VEPH1: variants seen among roughly 807,000 people sequenced by gnomAD.
VEPH1 encodes ventricular zone expressed PH domain containing 1.
A neutral mutation model predicts 85.2 loss-of-function variants in VEPH1; 80 were observed. The observed-to-expected ratio is 0.94, with a 90% CI of 0.78 to 1.13. VEPH1 has a LOEUF of 1.13. VEPH1 is among the 50% of genes most tolerant of loss of function. The probability of loss-of-function intolerance (pLI) is 0.00; values close to 1 mark genes in which losing one functional copy is unlikely to be tolerated. For missense variants in VEPH1, 955 were observed against 980.5 expected (o/e 0.97, Z 0.35); for synonymous variants, 297 against 348.0 (o/e 0.85, Z 1.63).
chr3:157,347,815 C>T (rs1452772853), intron 9 of VEPH1, among the ~76,000 whole-genome samples: 3 of 152,236 alleles, frequency 2.0e-5, no homozygotes, highest in Non-Finnish European at 4.4e-5. Context: ...TCCTCTCAAA[C>T]CCTAAGCCCA....
chr3:157,350,907 T>G (rs899301694), intron 9 of VEPH1, among the ~76,000 whole-genome samples: 2 of 152,150 alleles, frequency 1.3e-5, no homozygotes, highest in Non-Finnish European at 2.9e-5. Context: ...AAGAGTACTC[T>G]TACATGCTGT....
At chr3:157,408,946 T>C (rs1731336022) in intron 6 of VEPH1, among the ~76,000 whole-genome samples, 1 of 152,164 alleles carries the variant, frequency 6.6e-6, no homozygotes, top group Middle Eastern at 3.4e-3. Flanking sequence ...TAATAACCCA[T>C]AGGCAGTGGA....
At chr3:157,470,131 C>A (rs1736781878) in intron 3 of VEPH1, among the ~76,000 whole-genome samples, 183 bp downstream of exon 3, 1 of 152,144 alleles carries the variant, frequency 6.6e-6, no homozygotes, top group African/African-American at 2.4e-5. Flanking sequence ...TTGCACGTAG[C>A]AGGAGCTCTA....
intron 6 of VEPH1, among the ~76,000 whole-genome samples, chr3:157,403,574 G>C (rs1730926493): frequency 6.6e-6 from 1 of 152,124 alleles, no homozygotes; most frequent in African/African-American, 2.4e-5. Flanking sequence ...TTTTATAGCA[G>C]AGGGATTGGA....
rs1386231092 is a variant in VEPH1, at chr3:157,417,553, A to G, written c.697-3463T>C. ...AAATTTCTCATGGCCCATGGCCAAA[A>G]TTCCAATGCTGTGGTATTCCAGATT... On this transcript the variant is annotated intron_variant, in intron 5 of 13. Coordinates refer to ENST00000362010, the MANE Select transcript of VEPH1 (RefSeq NM_001167912.2). Among the ~76,000 whole-genome samples the G allele has an allele frequency of 2.0e-5, 3 of 152,298 alleles. 1 individual carries two copies. The South Asian group carries it at 6.2e-4, about 32-fold the overall frequency.
At chr3:157,469,354 TATC>T (rs1736703266) in intron 3 of VEPH1, among the ~76,000 whole-genome samples, 1 of 152,192 alleles carries the variant, frequency 6.6e-6, no homozygotes, top group Non-Finnish European at 1.5e-5. Context: ...AGGACGCTCA[TATC>T]AGCTGCAACA....
At chr3:157,352,244 C>G (rs1275683964) in intron 9 of VEPH1, among the ~76,000 whole-genome samples, 1 of 152,140 alleles carries the variant, frequency 6.6e-6, no homozygotes, top group Non-Finnish European at 1.5e-5. Context: ...GTGAATATTT[C>G]CAGGGATAAG....
intron 2 of VEPH1, among the ~76,000 whole-genome samples, chr3:157,471,317 A>G (rs941945845): frequency 6.6e-6 from 1 of 152,220 alleles, no homozygotes; most frequent in Non-Finnish European, 1.5e-5. Context: ...GCTATAACTA[A>G]TAGGACAGTA....
chr3:157,313,147 G>A (rs908882839), intron 11 of VEPH1, among the ~76,000 whole-genome samples: 4 of 151,506 alleles, frequency 2.6e-5, no homozygotes, highest in Non-Finnish European at 5.9e-5. Flanking sequence ...CTCGTGATCC[G>A]CCCGCCTCGG....
intron 4 of VEPH1, among the ~76,000 whole-genome samples, chr3:157,448,059 A>G (rs1438712768): frequency 6.6e-6 from 1 of 152,090 alleles, no homozygotes; most frequent in Non-Finnish European, 1.5e-5. Context: ...TATTTTATCT[A>G]TTTAAGTCTC....
intron 4 of VEPH1, chr3:157,442,758 C>T: frequency 2.5e-6 from 4 of 1,614,188 alleles, no homozygotes; most frequent in Non-Finnish European, 2.5e-6. Flanking sequence ...AGGAATCCTG[C>T]AGATTGGCCA....
intron 6 of VEPH1, among the ~76,000 whole-genome samples, chr3:157,403,806 T>C (rs1327747330): frequency 4.6e-5 from 7 of 152,124 alleles, no homozygotes; most frequent in Non-Finnish European, 8.8e-5. Flanking sequence ...TGGAAACATA[T>C]ATGCATCAAG....
In VEPH1 at chr3:157,272,386, T is replaced by C. The variant is rs541617769; in HGVS notation, c.2129-6724A>G. ...TTTCTTTCTCTTTCTTTTCTTTCTT[T>C]CTTTCTTTCTTTCTTTCTTTCTTTC... On this transcript the variant is annotated intron_variant, in intron 12 of 13. Coordinates refer to ENST00000362010, the MANE Select transcript of VEPH1 (RefSeq NM_001167912.2). Among the ~76,000 whole-genome samples, 36 of 127,362 alleles carry C rather than the reference T, an allele frequency of 2.8e-4. 1 individual carries two copies. In the East Asian group the frequency reaches 7.1e-3, roughly 25 times the overall value. The allele number at this position is 127,362 out of a possible 152,430, so 83.6% of individuals were successfully genotyped here. A position where few individuals can be genotyped will look rare whatever the true frequency, so the allele number is the denominator to read the frequency against.
intron 6 of VEPH1, among the ~76,000 whole-genome samples, chr3:157,393,452 A>C (rs183132949): frequency 4.8e-4 from 73 of 152,310 alleles, no homozygotes; most frequent in African/African-American, 1.4e-3. Flanking sequence ...ATGAATTGTT[A>C]TTATTAGTAT....
At chr3:157,352,930 G>A (rs1725019548) in intron 9 of VEPH1, among the ~76,000 whole-genome samples, 1 of 152,004 alleles carries the variant, frequency 6.6e-6, no homozygotes, top group Non-Finnish European at 1.5e-5. Context: ...GTAAAGGGAG[G>A]AAAAAAGGGT....
intron 4 of VEPH1, among the ~76,000 whole-genome samples, chr3:157,432,417 C>A (rs1311860276): frequency 6.6e-6 from 1 of 151,906 alleles, no homozygotes; most frequent in Non-Finnish European, 1.5e-5. Context: ...CCTATATTTT[C>A]TCTTAAAGGC....
chr3:157,338,515 A>T (rs2108634800), intron 9 of VEPH1, among the ~76,000 whole-genome samples: 1 of 152,340 alleles, frequency 6.6e-6, no homozygotes, highest in Non-Finnish European at 1.5e-5. Flanking sequence ...CATCTTGGAA[A>T]TCAATTTTCA....
At chr3:157,430,430 C>T (rs555119378) in intron 4 of VEPH1, among the ~76,000 whole-genome samples, 1 of 152,290 alleles carries the variant, frequency 6.6e-6, no homozygotes, top group South Asian at 2.1e-4. Context: ...ATGTGTTATT[C>T]CAGTGTATAA....
intron 5 of VEPH1, among the ~76,000 whole-genome samples, chr3:157,420,983 A>G (rs1732291710): frequency 6.6e-6 from 1 of 152,220 alleles, no homozygotes; most frequent in South Asian, 2.1e-4. Context: ...GGCCACTTGG[A>G]AAGTTGATCA....
Sources: gnomAD v4.1 joint callset for allele counts (sites outside exome capture counted in the v4.1 genomes callset) on GRCh38, gnomAD v4.1.1 for gene constraint, MANE v1.5 for transcripts, NCBI Gene and HGNC (gene_info 2026-07-23, HGNC 2026-07-21) for gene names.